Variants in ERGIC1 observed in about 807,000 individuals in gnomAD.
ERGIC1 encodes endoplasmic reticulum-golgi intermediate compartment 1, also known as endoplasmic reticulum-Golgi intermediate compartment protein 1.
ERGIC1 carries 19 observed loss-of-function variants against 38.3 expected under a neutral mutation model. The observed-to-expected ratio is 0.50, with a 90% CI of 0.35 to 0.73. The LOEUF (loss-of-function observed/expected upper bound fraction) is 0.73, where lower values mean the gene tolerates loss of function less well. Ranked by LOEUF, ERGIC1 falls within the 30% of genes least tolerant of loss-of-function variation. The pLI, the probability that ERGIC1 is intolerant of heterozygous loss-of-function variation, is 0.01. For missense variants in ERGIC1, 294 were observed against 389.2 expected, an observed-to-expected ratio of 0.76 and a Z score of 2.06; for synonymous variants, 124 against 157.6, an observed-to-expected ratio of 0.79 and a Z score of 1.60.
chr5:172,924,199 G>A, intron 6 of ERGIC1, 90 bp downstream of exon 6: 1 of 1,249,740 alleles, frequency 8.0e-7, no homozygotes, highest in Non-Finnish European at 1.2e-6. Flanking sequence ...TGGGCACTAG[G>A]AAGAGTTACC....
chr5:172,845,365 C>T (rs1419607220), intron 1 of ERGIC1, among the ~76,000 whole-genome samples: 4 of 152,224 alleles, frequency 2.6e-5, no homozygotes, highest in Admixed American at 1.3e-4. Flanking sequence ...GAGCCCCTGC[C>T]GGGGGAGCCA....
At chr5:172,901,369 G>T (rs919849926) in intron 3 of ERGIC1, among the ~76,000 whole-genome samples, 3 of 152,134 alleles carry the variant, frequency 2.0e-5, no homozygotes, top group Non-Finnish European at 2.9e-5. Flanking sequence ...CAGGGAGCAG[G>T]CCCCTCCTCA....
chr5:172,899,920 C>T (rs185642170), intron 3 of ERGIC1, among the ~76,000 whole-genome samples: 3 of 152,350 alleles, frequency 2.0e-5, no homozygotes, highest in African/African-American at 7.2e-5. Context: ...AGGTCCATAT[C>T]TCTTCGTGCA....
chr5:172,883,081 C>T (rs1762325032), intron 1 of ERGIC1, among the ~76,000 whole-genome samples: 1 of 152,166 alleles, frequency 6.6e-6, no homozygotes, highest in African/African-American at 2.4e-5. Context: ...TATAGGCATG[C>T]TCTAAGTGTG....
chr5:172,941,206 CAG>C (rs1764004747), intron 9 of ERGIC1, among the ~76,000 whole-genome samples: 1 of 150,368 alleles, frequency 6.7e-6, no homozygotes, highest in African/African-American at 2.5e-5. Flanking sequence ...GAGATCTTGG[CAG>C]TAAGCCAAGA....
chr5:172,866,508 C>T (rs73803649), intron 1 of ERGIC1, among the ~76,000 whole-genome samples: 3 of 152,220 alleles, frequency 2.0e-5, no homozygotes, highest in Non-Finnish European at 4.4e-5. Context: ...CCTCCATGTA[C>T]CCTACACCCT....
chr5:172,856,532 G>C (rs1230621077), intron 1 of ERGIC1, among the ~76,000 whole-genome samples: 1 of 152,172 alleles, frequency 6.6e-6, no homozygotes, highest in Non-Finnish European at 1.5e-5. Flanking sequence ...AGGTGGGAAA[G>C]AGCGGGGGAT....
intron 9 of ERGIC1, among the ~76,000 whole-genome samples, chr5:172,950,035 T>G (rs1373057235): frequency 6.6e-6 from 1 of 152,214 alleles, no homozygotes; most frequent in East Asian, 1.9e-4. Context: ...ATCACGCCAC[T>G]GCACTCCAGC....
In ERGIC1 at chr5:172,935,257, A is replaced by G. The variant is rs761054660; in HGVS notation, c.712A>G (p.Ile238Val). ...AIWFRYDLSP[I>V]TVKYTERRQP... is the part of the protein sequence containing the mutation. ...CTGGTTCCGCTACGACCTCAGCCCC[A>G]TCACGGTCAAGTACACAGAGAGACG... The change falls in exon 9 of 10, where the codon ATC becomes GTC. Residue 238 changes from isoleucine to valine, a missense_variant. Physicochemically the swap from Ile to Val is conservative, Grantham distance 29. Transcript: ENST00000393784. 6.2e-7 allele frequency: 1 copy of G among 1,614,118 alleles called. No homozygotes were observed. The highest frequency in any genetic ancestry group is 8.5e-7 in the Non-Finnish European group (1 of 1,180,018).
At chr5:172,938,448 G>A (rs1326021031) in intron 9 of ERGIC1, among the ~76,000 whole-genome samples, 3 of 152,170 alleles carry the variant, frequency 2.0e-5, no homozygotes, top group African/African-American at 7.2e-5. Context: ...CTGAGACTCT[G>A]GGCATTACAA....
chr5:172,899,711 C>T (rs560068575), intron 3 of ERGIC1, among the ~76,000 whole-genome samples: 10 of 152,224 alleles, frequency 6.6e-5, no homozygotes, highest in South Asian at 6.2e-4. Context: ...GAGCTGAAAA[C>T]GCCAGTGGTA....
chr5:172,924,309 C>A (rs1763601038), intron 6 of ERGIC1, among the ~76,000 whole-genome samples, 200 bp downstream of exon 6: 1 of 152,210 alleles, frequency 6.6e-6, no homozygotes, highest in African/African-American at 2.4e-5. Flanking sequence ...TCAAACATCA[C>A]CCCTCTCCTA....
chr5:172,929,460 C>T (rs886097658), intron 7 of ERGIC1, among the ~76,000 whole-genome samples: 4 of 152,130 alleles, frequency 2.6e-5, no homozygotes, highest in Admixed American at 2.0e-4. Flanking sequence ...ATGGTCAGCT[C>T]ACAAGGAATC....
At chr5:172,907,174 A>G (rs1330832656) in intron 3 of ERGIC1, among the ~76,000 whole-genome samples, 1 of 152,088 alleles carries the variant, frequency 6.6e-6, no homozygotes, top group Non-Finnish European at 1.5e-5. Flanking sequence ...TCCCTCTTGC[A>G]CAGCAGCCCC....
chr5:172,915,679 A>T (rs1763346707), intron 5 of ERGIC1: 3 of 469,968 alleles, frequency 6.4e-6, no homozygotes, highest in South Asian at 4.6e-5. Context: ...GTGAGGCAGC[A>T]CCATTTGACA....
At chr5:172,854,021 A>C (rs900513817) in intron 1 of ERGIC1, among the ~76,000 whole-genome samples, 1 of 152,196 alleles carries the variant, frequency 6.6e-6, no homozygotes, top group African/African-American at 2.4e-5. Flanking sequence ...GTATCTGCTC[A>C]TCTCCTTCGA....
At chr5:172,938,841 A>G (rs7737395) in intron 9 of ERGIC1, among the ~76,000 whole-genome samples, 11,187 of 151,940 alleles carry the variant, frequency 0.074, 810 homozygotes, top group African/African-American at 0.19. Flanking sequence ...AGGCGGGCGG[A>G]TCACCAGGTC....
chr5:172,897,294 T>A (rs1002863242), intron 3 of ERGIC1, among the ~76,000 whole-genome samples: 1 of 152,052 alleles, frequency 6.6e-6, no homozygotes, highest in African/African-American at 2.4e-5. Context: ...CTGGGCGTGG[T>A]GGCGGGCACC....
intron 1 of ERGIC1, among the ~76,000 whole-genome samples, chr5:172,848,222 G>A (rs1761325083): frequency 6.6e-6 from 1 of 152,250 alleles, no homozygotes; most frequent in South Asian, 2.1e-4. Flanking sequence ...GGGATTCTGG[G>A]GGAAAACAAG....
Sources: allele counts gnomAD v4.1 joint callset (sites outside exome capture counted in the v4.1 genomes callset), GRCh38; gene constraint gnomAD v4.1.1; transcripts MANE v1.5; gene names NCBI Gene and HGNC (gene_info 2026-07-23, HGNC 2026-07-21).